The following MAST2 variants were observed in gnomAD, a reference collection of about 807,000 sequenced individuals.
MAST2 encodes microtubule associated serine/threonine kinase 2.
In MAST2, 70 loss-of-function variants were observed where a neutral mutation model predicts 147.4. That is an observed-to-expected ratio of 0.47 (90% CI 0.39 to 0.58). MAST2 has a LOEUF of 0.58. Ranked by LOEUF, MAST2 falls within the 20% of genes least tolerant of loss-of-function variation. MAST2 has a pLI of 0.00. For synonymous variants in MAST2, 869 were observed against 896.8 expected (o/e 0.97, Z 0.55); for missense variants, 2,080 against 2,302.3 (o/e 0.90, Z 1.98).
At chr1:46,029,415 C>A in intron 18 of MAST2, 51 bp from the exon 19 acceptor site, 1 of 1,481,524 alleles carries the variant, frequency 6.7e-7, no homozygotes, top group Admixed American at 1.7e-5. Context: ...TTCTGCATCT[C>A]TCCACTCTAC....
intron 4 of MAST2, among the ~76,000 whole-genome samples, chr1:45,939,989 T>TTTTTGTTTTTTTTTGTTTTTTTTG (rs1553239189): frequency 7.8e-6 from 1 of 128,882 alleles, no homozygotes; most frequent in African/African-American, 3.0e-5. Context: ...GGTTTTTTTT[T>TTTTTGTTTTTTTTTGTTTTTTTTG]TTTTTTTTTT....
At chr1:45,874,601 A>G (rs1646523965) in intron 3 of MAST2, among the ~76,000 whole-genome samples, 1 of 152,216 alleles carries the variant, frequency 6.6e-6, no homozygotes, top group Non-Finnish European at 1.5e-5. Flanking sequence ...ATTGCCTTAT[A>G]ATGATGATAA....
intron 4 of MAST2, among the ~76,000 whole-genome samples, chr1:45,890,784 A>G (rs751624862): frequency 6.6e-6 from 1 of 152,254 alleles, no homozygotes; most frequent in Non-Finnish European, 1.5e-5. Flanking sequence ...ACAAATTGGC[A>G]ATCATTTGAA....
chr1:45,907,922 G>A (rs1458213060), intron 4 of MAST2, among the ~76,000 whole-genome samples: 1 of 152,090 alleles, frequency 6.6e-6, no homozygotes, highest in African/African-American at 2.4e-5. Flanking sequence ...TTTTAAATAA[G>A]TTATAGAATG....
At chr1:45,825,046 G>C (rs1021579095) in intron 2 of MAST2, among the ~76,000 whole-genome samples, 1 of 151,910 alleles carries the variant, frequency 6.6e-6, no homozygotes, top group Non-Finnish European at 1.5e-5. Context: ...TTTTTTTTGA[G>C]ATGGAGTTTC....
At chr1:45,804,148 G>A in intron 1 of MAST2, 76 bp downstream of exon 1, 1 of 1,267,032 alleles carries the variant, frequency 7.9e-7, no homozygotes, top group Non-Finnish European at 1.0e-6. Flanking sequence ...GGGAGGACCC[G>A]GGCTGGAGCT....
intron 5 of MAST2, among the ~76,000 whole-genome samples, chr1:45,995,034 G>A (rs1245143551): frequency 6.6e-6 from 1 of 151,870 alleles, no homozygotes; most frequent in South Asian, 2.1e-4. Context: ...TAGAGACAGG[G>A]TTTCATTGTG....
rs188424650 is a variant in MAST2 at position 45,997,796 on chromosome 1, G to A, written c.665G>A (p.Arg222His). ...GCTCACTTTTCTTTTGTTCCTGCCCGTAGGTAAGTTGATAGGAAACCTCCT... is the reference window on the plus strand; with the variant it reads ...GCTCACTTTTCTTTTGTTCCTGCCCATAGGTAAGTTGATAGGAAACCTCCT... ...APAHFSFVPARRTDGRRWSLA... is the reference protein window; with the variant it reads ...APAHFSFVPAHRTDGRRWSLA... Residue 222 changes from arginine (R) to histidine (H), a missense_variant, in exon 6 of 29, where the codon CGT becomes CAT. Physicochemically the swap from Arg to His is conservative, Grantham distance 29. This residue lies in a region of MAST2 where 569 missense variants were observed against 642.5 expected (regional missense o/e 0.89). Coordinates refer to ENST00000361297, the MANE Select transcript of MAST2 (RefSeq NM_015112.3). The A allele has an allele frequency of 1.5e-5, 25 of 1,613,926 alleles. No homozygotes were observed. Among genetic ancestry groups the A allele is most frequent in the East Asian group, 2.2e-5 (1 of 44,872 alleles).
chr1:45,923,327 C>T (rs938826654), intron 4 of MAST2, among the ~76,000 whole-genome samples: 4 of 152,266 alleles, frequency 2.6e-5, no homozygotes, highest in Non-Finnish European at 4.4e-5. Flanking sequence ...CTGCAGCCGG[C>T]GTCATGGCAG....
chr1:45,900,189 A>AAC (rs1649522075), intron 4 of MAST2, among the ~76,000 whole-genome samples: 1 of 129,528 alleles, frequency 7.7e-6, no homozygotes, highest in Non-Finnish European at 1.6e-5. Context: ...AAAAAAAAAA[A>AAC]AAAAAAGATT....
rs1571242943 is a variant in MAST2 at position 46,021,964 on chromosome 1, A to G, written c.1305A>G (p.Glu435=). The change falls in exon 12 of 29, where the codon GAA becomes GAG. Residue 435 remains glutamate (E), a synonymous_variant. Transcript: ENST00000361297. ...RLLECLEFDP[E]EFYHLLEAAE... The stretch of plus-strand genomic sequence containing the variant: ...CCTTGGTACAGGAGTTTGACCCTGA[A>G]GAGTTCTACCACCTTTTAGAAGCAG... 1 of 1,614,190 alleles carries G rather than the reference A, an allele frequency of 6.2e-7. No homozygotes were observed. The highest frequency in any genetic ancestry group is 2.2e-5 in the East Asian group (1 of 44,888).
intron 2 of MAST2, among the ~76,000 whole-genome samples, 184 bp from the exon 3 acceptor site, chr1:45,829,255 C>T (rs1644881643): frequency 6.6e-6 from 1 of 152,030 alleles, no homozygotes. Context: ...CCATTATCAT[C>T]ACCACCAAGA....
At chr1:45,978,452 G>T (rs556616301) in intron 5 of MAST2, among the ~76,000 whole-genome samples, 1 of 152,222 alleles carries the variant, frequency 6.6e-6, no homozygotes, top group African/African-American at 2.4e-5. Flanking sequence ...GGAGGCAGAG[G>T]TTGCAGTGAG....
At chr1:45,963,911 A>G (rs532485217) in intron 5 of MAST2, among the ~76,000 whole-genome samples, 1 of 152,230 alleles carries the variant, frequency 6.6e-6, no homozygotes, top group Non-Finnish European at 1.5e-5. Context: ...ATTTATTGAG[A>G]GTTTTTAGCA....
At position 46,035,675 on chromosome 1, in the gene MAST2, C is replaced by G. The variant is rs767728544; in HGVS notation, c.5006C>G (p.Ser1669Cys). The G allele has an allele frequency of 4.3e-6, 7 of 1,613,924 alleles. No homozygotes were observed. Among genetic ancestry groups the G allele is most frequent in the Non-Finnish European group, 5.1e-6 (6 of 1,180,018 alleles). The part of the protein sequence containing the change: ...KSLIEGPDRA[S>C]PSRKATMAGG... ...CTTATTGAGGGCCCAGACAGGGCAT[C>G]CCCAAGCAGAAAGGCAACCATGGCA... The change falls in exon 29 of 29, where the codon TCC (serine) becomes TGC (cysteine). Residue 1669 changes from serine to cysteine, a missense_variant. Around this residue, in one of 4 missense-constraint regions of MAST2, gnomAD observed 1,278 missense variants for 1,304.2 expected, o/e 0.98. Transcript: ENST00000361297. This position sits in a 1 kb window ranked among gnomAD's most constrained non-coding sequence, Gnocchi z 5.5.
At chr1:45,881,712 G>C (rs2148293758) in intron 3 of MAST2, among the ~76,000 whole-genome samples, 1 of 151,962 alleles carries the variant, frequency 6.6e-6, no homozygotes, top group South Asian at 2.1e-4. Flanking sequence ...TGCCACTAAT[G>C]CCCTTTACAA....
At chr1:45,817,726 T>G (rs1644499790) in intron 1 of MAST2, among the ~76,000 whole-genome samples, 1 of 152,156 alleles carries the variant, frequency 6.6e-6, no homozygotes, top group African/African-American at 2.4e-5. Flanking sequence ...ACTCATATCA[T>G]GAAAAGATGA....
intron 4 of MAST2, among the ~76,000 whole-genome samples, chr1:45,942,793 T>C (rs781389347): frequency 2.6e-4 from 40 of 152,184 alleles, no homozygotes; most frequent in Non-Finnish European, 5.4e-4. Context: ...TCCTGGTACA[T>C]GAGATAGAAC....
At chr1:45,867,130 C>T (rs576765806) in intron 3 of MAST2, among the ~76,000 whole-genome samples, 17 of 152,192 alleles carry the variant, frequency 1.1e-4, no homozygotes, top group Admixed American at 5.9e-4. Flanking sequence ...ACAGAGCTAA[C>T]GCTTGAAAAG....
Sources: allele counts gnomAD v4.1 joint callset (sites outside exome capture counted in the v4.1 genomes callset), GRCh38; gene constraint gnomAD v4.1.1; regional missense constraint gnomAD v4.1.1; non-coding constraint Gnocchi (gnomAD v3.1); transcripts MANE v1.5; gene names NCBI Gene and HGNC (gene_info 2026-07-23, HGNC 2026-07-21).